Variants in LINGO1 observed in about 807,000 individuals in gnomAD.
LINGO1 encodes leucine rich repeat and Ig domain containing 1.
LINGO1 carries 11 observed loss-of-function variants against 37.3 expected under a neutral mutation model. The observed-to-expected ratio is 0.29, with a 90% CI of 0.19 to 0.49. The LOEUF is 0.49. LINGO1 is among the 20% of genes least tolerant of loss of function. The pLI, the probability that LINGO1 is intolerant of heterozygous loss-of-function variation, is 0.99. For synonymous variants in LINGO1, 387 were observed against 403.0 expected (o/e 0.96, Z 0.48); for missense variants, 585 against 878.2 (o/e 0.67, Z 4.22).
At chr15:77,678,072 C>T (rs1397784639) in intron 2 of LINGO1, among the ~76,000 whole-genome samples, 1 of 152,264 alleles carries the variant, frequency 6.6e-6, no homozygotes, top group Non-Finnish European at 1.5e-5. Context: ...CCATAGGCCA[C>T]CCTGGAGGAA....
intron 1 of LINGO1, among the ~76,000 whole-genome samples, chr15:77,757,225 T>G (rs796414108): frequency 1.8e-4 from 28 of 152,362 alleles, no homozygotes; most frequent in African/African-American, 6.5e-4. Flanking sequence ...CATTTGAGAC[T>G]TTGATATCTT....
Position 77,804,477 on chromosome 15 carries a change from T to A in LINGO1, c.-457-8424A>T, listed in dbSNP as rs1282060576. On this transcript the variant is annotated intron_variant, in intron 1 of 5. Coordinates refer to the LINGO1 transcript ENST00000562933. ...GTCTGGATAAGGGGTGAGCTCCCCA[T>A]CGGGGAGGGCGAGAGCACAGGCTGG... Among the ~76,000 whole-genome samples, 5 of 152,128 alleles carry A rather than the reference T, an allele frequency of 3.3e-5. No homozygotes were observed. The East Asian group carries it at 9.6e-4, about 29-fold the overall frequency.
chr15:77,626,102 G>A (rs949551044), intron 1 of LINGO1, among the ~76,000 whole-genome samples: 4 of 152,086 alleles, frequency 2.6e-5, no homozygotes, highest in African/African-American at 9.7e-5. Flanking sequence ...TCACACAGAT[G>A]AGGAAACTGA....
intron 1 of LINGO1, among the ~76,000 whole-genome samples, chr15:77,767,020 G>A (rs1370474971): frequency 6.6e-6 from 1 of 152,190 alleles, no homozygotes; most frequent in Non-Finnish European, 1.5e-5. Context: ...ACAACATCTG[G>A]TTAACTGGGG....
chr15:77,816,136 C>T (rs376407874), intron 1 of LINGO1, among the ~76,000 whole-genome samples: 25 of 152,228 alleles, frequency 1.6e-4, no homozygotes, highest in African/African-American at 4.3e-4. Flanking sequence ...TGCCACTCCC[C>T]CACTGAGCCT....
At position 77,614,206 on chromosome 15, in the gene LINGO1, A is replaced by G. The variant is rs754058835; in HGVS notation, c.1701T>C (p.Ser567=). The part of the protein sequence containing the change: ...LIIATTMGFI[S]FLGVVLFCLV... Reference sequence around the variant, plus strand: ...GGCAGAAGAGGACGACGCCCAGGAAAGAGATGAAGCCCATGGTGGTGGCGA... The same window carrying G: ...GGCAGAAGAGGACGACGCCCAGGAAGGAGATGAAGCCCATGGTGGTGGCGA... Residue 567 remains serine (S), a synonymous_variant, in exon 2 of 2, where the codon TCT becomes TCC. Coordinates refer to ENST00000355300, the MANE Select transcript of LINGO1 (RefSeq NM_032808.7). 3.1e-6 allele frequency: 5 copies of G among 1,614,002 alleles called. No individual in the cohort carries two copies. The highest frequency in any genetic ancestry group is 4.2e-6 in the Non-Finnish European group (5 of 1,179,872).
chr15:77,632,401 C>A lies in LINGO1; in HGVS notation c.-86G>T. The A allele has an allele frequency of 3.2e-6, 4 of 1,268,120 alleles. No individual in the cohort carries two copies. The highest frequency in any genetic ancestry group is 2.5e-5 in the South Asian group (1 of 40,270). The allele number at this position is 1,268,120 out of a possible 1,614,324, so 78.6% of individuals were successfully genotyped here. A position where few individuals can be genotyped will look rare whatever the true frequency, so the allele number is the denominator to read the frequency against. On this transcript the variant is annotated 5_prime_UTR_variant, in exon 1 of 2. Transcript: ENST00000355300. This position sits in a 1 kb window ranked among gnomAD's most constrained non-coding sequence, Gnocchi z 6.0. ...CGACCAGGCCCCAGCCCCTGCCCAG[C>A]CCCCTCCTCCGTTTCCTCCTCCTCC...
At chr15:77,691,235 A>G (rs1336441245) in intron 1 of LINGO1, among the ~76,000 whole-genome samples, 1 of 152,224 alleles carries the variant, frequency 6.6e-6, no homozygotes, top group Non-Finnish European at 1.5e-5. Flanking sequence ...ACACTGGACA[A>G]CACAGCTGTG....
chr15:77,617,630 A>T (rs2073774332), intron 1 of LINGO1, among the ~76,000 whole-genome samples: 1 of 152,204 alleles, frequency 6.6e-6, no homozygotes, highest in South Asian at 2.1e-4. Context: ...TCATGGCCAC[A>T]GGCCATCCAT....
intron 1 of LINGO1, among the ~76,000 whole-genome samples, chr15:77,818,890 C>T (rs2077071039): frequency 6.6e-6 from 1 of 151,664 alleles, no homozygotes; most frequent in Non-Finnish European, 1.5e-5. Flanking sequence ...CGGCCCGCGC[C>T]CCCGCCCCAC....
At chr15:77,782,209 GCGTACACACA>G (rs1284173199) in intron 1 of LINGO1, among the ~76,000 whole-genome samples, 1 of 70,864 alleles carries the variant, frequency 1.4e-5, no homozygotes, top group Non-Finnish European at 3.0e-5. Context: ...GTGTGCGCAC[GCGTACACACA>G]CACACACACA....
At chr15:77,744,854 G>T (rs1040299116) in intron 1 of LINGO1, among the ~76,000 whole-genome samples, 2 of 152,064 alleles carry the variant, frequency 1.3e-5, no homozygotes, top group African/African-American at 4.8e-5. Context: ...AGTGGCTCAC[G>T]CCTGTAATCC....
intron 2 of LINGO1, among the ~76,000 whole-genome samples, chr15:77,707,220 G>C (rs552952526): frequency 6.6e-5 from 10 of 152,314 alleles, no homozygotes; most frequent in African/African-American, 1.2e-4. Context: ...AAATGGTGGG[G>C]AGGAGGAGGA....
chr15:77,738,811 GGAAA>G (rs1336773450), intron 1 of LINGO1, among the ~76,000 whole-genome samples: 46 of 148,830 alleles, frequency 3.1e-4, no homozygotes, highest in South Asian at 8.5e-4. Flanking sequence ...AAGGAAGGAA[GGAAA>G]GAAGGAAGGA....
intron 2 of LINGO1, among the ~76,000 whole-genome samples, chr15:77,687,375 C>T (rs144156330): frequency 6.6e-6 from 1 of 152,202 alleles, no homozygotes. Flanking sequence ...TCTGTCCCCC[C>T]CTGTGAAAAG....
chr15:77,801,593 G>GT (rs11390259), intron 1 of LINGO1, among the ~76,000 whole-genome samples: 2,342 of 147,746 alleles, frequency 0.016, 32 homozygotes, highest in African/African-American at 0.048. Context: ...GAGTTAATGG[G>GT]TTTTTTTTTT....
chr15:77,720,396 G>A (rs991820260), intron 2 of LINGO1, among the ~76,000 whole-genome samples: 2 of 152,196 alleles, frequency 1.3e-5, no homozygotes, highest in African/African-American at 2.4e-5. Context: ...CCGCCCCCAC[G>A]TGTGTGAGCG....
At chr15:77,764,154 T>C (rs2076504340) in intron 1 of LINGO1, among the ~76,000 whole-genome samples, 1 of 152,216 alleles carries the variant, frequency 6.6e-6, no homozygotes, top group Non-Finnish European at 1.5e-5. Context: ...CCACTCCTGA[T>C]CCCCACTCCG....
At position 77,650,790 on chromosome 15, in the gene LINGO1, C is replaced by T. The variant is rs552994334; in HGVS notation, c.-13+26299G>A. 5.3e-5 allele frequency among the ~76,000 whole-genome samples: 8 copies of T among 152,138 alleles called. No individual in the cohort carries two copies. The South Asian group carries it at 1.7e-3, about 32-fold the overall frequency. ...AGTCCTGCAGGGTGGTCACAGAGGG[C>T]AGAGGCTATATATGGCTAACACAGG... On this transcript the variant is annotated intron_variant, in intron 3 of 3. Coordinates refer to the LINGO1 transcript ENST00000559893.
Sources: gnomAD v4.1 joint callset for allele counts (sites outside exome capture counted in the v4.1 genomes callset) on GRCh38, gnomAD v4.1.1 for gene constraint, Gnocchi (gnomAD v3.1) non-coding constraint, MANE v1.5 for transcripts, NCBI Gene and HGNC (gene_info 2026-07-23, HGNC 2026-07-21) for gene names.